The following FAM118B variants were observed in gnomAD, a reference collection of about 807,000 sequenced individuals.
The protein encoded by FAM118B is protein FAM118B.
FAM118B carries 24 observed loss-of-function variants against 38.5 expected under a neutral mutation model. The observed-to-expected ratio is 0.62, with a 90% CI of 0.45 to 0.88. The LOEUF is 0.88. Among genes scored for constraint, FAM118B ranks in the 40% least tolerant of loss-of-function variants. FAM118B has a pLI of 0.00. For missense variants in FAM118B, 334 were observed against 420.0 expected (o/e 0.80, Z 1.79); for synonymous variants, 138 against 156.3 (o/e 0.88, Z 0.87).
chr11:126,262,096 G>C (rs778216820), intron 8 of FAM118B, 24 bp from the exon 9 acceptor site: 1 of 1,613,768 alleles, frequency 6.2e-7, no homozygotes, highest in Non-Finnish European at 8.5e-7. Context: ...ACTTCATTTT[G>C]TTCTCTTTTC....
At chr11:126,219,349 CTTTT>C (rs549922825) in intron 1 of FAM118B, among the ~76,000 whole-genome samples, 12 of 44,464 alleles carry the variant, frequency 2.7e-4, no homozygotes, top group Non-Finnish European at 4.3e-4. Context: ...TCTTGTTTAT[CTTTT>C]TTTTTTTTTT....
intron 7 of FAM118B, among the ~76,000 whole-genome samples, chr11:126,260,180 A>G (rs1354924443): frequency 6.6e-6 from 1 of 151,812 alleles, no homozygotes; most frequent in East Asian, 1.9e-4. Context: ...CTAAAGGCAC[A>G]TACCACAATG....
chr11:126,257,110 C>A (rs1185147172), intron 7 of FAM118B, among the ~76,000 whole-genome samples: 1 of 152,284 alleles, frequency 6.6e-6, no homozygotes, highest in East Asian at 1.9e-4. Flanking sequence ...CACTAGTTAT[C>A]AATGAAATGC....
At chr11:126,214,483 TG>T (rs2135117264) in intron 1 of FAM118B, 5 of 138,030 alleles carry the variant, frequency 3.6e-5, no homozygotes, top group African/African-American at 8.0e-5. Flanking sequence ...AAAACTCTTT[TG>T]TTTCTGTTTT....
At chr11:126,232,666 A>AT (rs564617185) in intron 2 of FAM118B, among the ~76,000 whole-genome samples, 81 of 152,058 alleles carry the variant, frequency 5.3e-4, no homozygotes, top group Middle Eastern at 3.4e-3. Context: ...CAACTTAAAA[A>AT]ATATATTTTT....
chr11:126,228,844 C>T (rs1950175214), intron 1 of FAM118B, among the ~76,000 whole-genome samples: 1 of 152,218 alleles, frequency 6.6e-6, no homozygotes, highest in South Asian at 2.1e-4. Flanking sequence ...CAGGCTTGAG[C>T]CACCCGCGCC....
intron 4 of FAM118B, among the ~76,000 whole-genome samples, chr11:126,245,838 A>G (rs1950412310): frequency 6.6e-6 from 1 of 152,204 alleles, no homozygotes; most frequent in African/African-American, 2.4e-5. Context: ...CTCTAATAAA[A>G]ATACATAATT....
At chr11:126,215,834 C>T (rs1490243585) in intron 1 of FAM118B, among the ~76,000 whole-genome samples, 1 of 151,630 alleles carries the variant, frequency 6.6e-6, no homozygotes, top group Non-Finnish European at 1.5e-5. Flanking sequence ...CATAGCAAGA[C>T]CTCGTCTCTA....
chr11:126,221,673 G>T (rs1293635886), intron 1 of FAM118B, among the ~76,000 whole-genome samples: 2 of 151,920 alleles, frequency 1.3e-5, no homozygotes, highest in Admixed American at 6.6e-5. Flanking sequence ...ATCTAGGGGT[G>T]AATGGGGTGG....
At chr11:126,232,334 G>A (rs772773086) in intron 2 of FAM118B, among the ~76,000 whole-genome samples, 6 of 152,116 alleles carry the variant, frequency 3.9e-5, no homozygotes, top group Admixed American at 6.5e-5. Context: ...CCAAGTACCC[G>A]ATCTTTCTGT....
At chr11:126,235,479 C>A (rs146800956) in intron 3 of FAM118B, among the ~76,000 whole-genome samples, 1 of 152,068 alleles carries the variant, frequency 6.6e-6, no homozygotes, top group Non-Finnish European at 1.5e-5. Context: ...TCCACACACT[C>A]TCCCCATGTT....
At position 126,262,334 on chromosome 11, in the gene FAM118B, C is replaced by A; in HGVS notation, c.*201C>A. ...GGTTCTTGATATTCTGCCGCCTGTT[C>A]AAGTTCAAGAATAAAAGCGACAGCA... On this transcript the variant is annotated 3_prime_UTR_variant, in exon 9 of 9. Coordinates refer to ENST00000533050, the MANE Select transcript of FAM118B (RefSeq NM_024556.4). 1.8e-3 allele frequency: 779 copies of A among 421,714 alleles called. No homozygotes were observed. Among genetic ancestry groups the A allele is most frequent in the East Asian group, 2.4e-3 (50 of 21,054 alleles). The allele number at this position is 421,714 out of a possible 1,614,324, so 26.1% of individuals were successfully genotyped here.
At position 126,240,743 on chromosome 11, in the gene FAM118B, C is replaced by G. The variant is rs559821858; in HGVS notation, c.87-49C>G. On this transcript the variant is annotated intron_variant, in intron 3 of 8. Transcript: ENST00000533050. ...TGAGTCAGACAGTCTTTCTGTGTGCCTCATATCTATTGGATATTCCAATCC... is the reference window on the plus strand; with the variant it reads ...TGAGTCAGACAGTCTTTCTGTGTGCGTCATATCTATTGGATATTCCAATCC... The G allele has an allele frequency of 7.2e-6, 11 of 1,526,282 alleles. 1 individual carries two copies. In the African/African-American group the frequency reaches 8.3e-5, roughly 12 times the overall value. 94.5% of individuals were successfully genotyped at this position (1,526,282 alleles called of 1,614,324 possible).
intron 4 of FAM118B, among the ~76,000 whole-genome samples, chr11:126,242,870 A>T (rs1252711436): frequency 6.6e-6 from 1 of 152,236 alleles, no homozygotes; most frequent in East Asian, 1.9e-4. Flanking sequence ...TCATAAGTAT[A>T]TACCTAAGCG....
Position 126,250,496 on chromosome 11 carries a change from CCCT to C in FAM118B, c.340-5_340-3del, listed in dbSNP as rs1184944587. The C allele has an allele frequency of 1.3e-6, 2 of 1,595,294 alleles. No homozygotes were observed. Among genetic ancestry groups the C allele is most frequent in the Admixed American group, 3.4e-5 (2 of 58,938 alleles). ...TTGGACTAATTTTCTTTTTTCAAAT[CCCT>C]CCTCAGCGTACCAGTAATGTTCGAT... is the stretch of plus-strand genomic sequence containing the variant. On this transcript the variant is annotated splice_region_variant and splice_polypyrimidine_tract_variant and intron_variant, in intron 4 of 8. Transcript: ENST00000533050. The surrounding 1 kb of genome is among the most constrained non-coding windows in gnomAD (Gnocchi z 5.1).
intron 1 of FAM118B, among the ~76,000 whole-genome samples, chr11:126,217,920 C>T (rs1012510105): frequency 5.3e-5 from 8 of 152,058 alleles, no homozygotes; most frequent in Admixed American, 2.0e-4. Context: ...CTTACGTGAC[C>T]GTATTTTGTT....
chr11:126,243,903 C>CA (rs34063466), intron 4 of FAM118B, among the ~76,000 whole-genome samples: 9,143 of 104,398 alleles, frequency 0.088, 406 homozygotes, highest in East Asian at 0.24. Context: ...GACTCCGTCT[C>CA]AAAAAAAAAA....
At chr11:126,248,495 C>T (rs1008024640) in intron 4 of FAM118B, among the ~76,000 whole-genome samples, 3 of 150,872 alleles carry the variant, frequency 2.0e-5, no homozygotes, top group Admixed American at 6.6e-5. Context: ...CTCAGCCTCC[C>T]GAGTAGCTGG....
intron 2 of FAM118B, chr11:126,233,693 G>A (rs1323088457): frequency 2.2e-6 from 1 of 455,886 alleles, no homozygotes; most frequent in Non-Finnish European, 4.4e-6. Context: ...ATATAAAGAA[G>A]AATTACACTG....
Sources: gnomAD v4.1 joint callset for allele counts (sites outside exome capture counted in the v4.1 genomes callset) on GRCh38, gnomAD v4.1.1 for gene constraint, Gnocchi (gnomAD v3.1) non-coding constraint, MANE v1.5 for transcripts, NCBI Gene and HGNC (gene_info 2026-07-23, HGNC 2026-07-21) for gene names.